The following C9orf85 variants were observed in gnomAD, a reference collection of about 807,000 sequenced individuals.
The protein encoded by C9orf85 is uncharacterized protein C9orf85.
C9orf85 carries 16 observed loss-of-function variants against 14.9 expected under a neutral mutation model. That is an observed-to-expected ratio of 1.08 (90% CI 0.73 to 1.63). The LOEUF (loss-of-function observed/expected upper bound fraction) is 1.63. Ranked by LOEUF, C9orf85 falls within the 40% of genes most tolerant of loss-of-function variation. The pLI is 0.00. For missense variants in C9orf85, 172 were observed against 186.1 expected (o/e 0.92, Z 0.44); for synonymous variants, 45 against 56.8 (o/e 0.79, Z 0.93).
In C9orf85 at chr9:71,921,928, T is replaced by TTATTATTATTA. The variant is rs1554705990; in HGVS notation, c.102+10093_102+10094insATTATTATTAT. Among the ~76,000 whole-genome samples the TTATTATTATTA allele has an allele frequency of 4.4e-3, 501 of 113,850 alleles. 7 individuals carry two copies. Among genetic ancestry groups the TTATTATTATTA allele is most frequent in the African/African-American group, 0.014 (478 of 33,556 alleles). 74.7% of individuals were successfully genotyped at this position (113,850 alleles called of 152,430 possible). ...GTTTTGGTTGGCTTTTTATTTTTTT[T>TTATTATTATTA]TTATTATTATTATTATTATTATTAT... is the stretch of plus-strand genomic sequence containing the variant. On this transcript the variant is annotated intron_variant, in intron 1 of 3. Coordinates refer to ENST00000334731, the MANE Select transcript of C9orf85 (RefSeq NM_182505.5).
chr9:71,935,464 A>G (rs897783085), intron 1 of C9orf85, among the ~76,000 whole-genome samples: 1 of 152,114 alleles, frequency 6.6e-6, no homozygotes, highest in Non-Finnish European at 1.5e-5. Context: ...TACAGCATCA[A>G]TGAACCTTAA....
At chr9:71,941,766 A>G (rs1821935395) in intron 1 of C9orf85, 1 of 152,206 alleles carries the variant, frequency 6.6e-6, no homozygotes. Flanking sequence ...AACTGACTAC[A>G]TTCAGTGACA....
intron 2 of C9orf85, among the ~76,000 whole-genome samples, chr9:71,968,576 T>C (rs1390827513): frequency 6.6e-6 from 1 of 152,216 alleles, no homozygotes; most frequent in East Asian, 1.9e-4. Context: ...CTTATATGCA[T>C]AGAGTTAAAT....
chr9:71,966,618 TG>T (rs1822699258), intron 2 of C9orf85, among the ~76,000 whole-genome samples: 1 of 152,064 alleles, frequency 6.6e-6, no homozygotes, highest in Non-Finnish European at 1.5e-5. Context: ...ACAGGAGTCA[TG>T]ACTATAAAAA....
At chr9:71,976,494 C>T (rs563465225), downstream of C9orf85, among the ~76,000 whole-genome samples, 56 of 152,118 alleles carry the variant, frequency 3.7e-4, no homozygotes, top group African/African-American at 1.3e-3. Flanking sequence ...AACCCCGTCT[C>T]TACTAAAAAT....
At chr9:71,982,548 C>T in intron 3 of C9orf85, 1 of 354,944 alleles carries the variant, frequency 2.8e-6, no homozygotes, top group Non-Finnish European at 5.3e-6. Context: ...AGATCCTCGC[C>T]AACACTTGTA....
intron 1 of C9orf85, among the ~76,000 whole-genome samples, chr9:71,934,861 C>A (rs1241122155): frequency 6.6e-6 from 1 of 152,022 alleles, no homozygotes; most frequent in Middle Eastern, 3.2e-3. Context: ...CAGAGCAAGA[C>A]CCTGTCTCAG....
intron 1 of C9orf85, among the ~76,000 whole-genome samples, chr9:71,920,159 T>G (rs953076920): frequency 6.6e-6 from 1 of 152,198 alleles, no homozygotes; most frequent in Non-Finnish European, 1.5e-5. Flanking sequence ...TAAAGCATGT[T>G]TCTTAATGTT....
chr9:71,926,506 C>G (rs1253145449), intron 1 of C9orf85, among the ~76,000 whole-genome samples: 1 of 151,520 alleles, frequency 6.6e-6, no homozygotes, highest in Non-Finnish European at 1.5e-5. Context: ...CCTCCCATGC[C>G]CAGTTAAGAG....
intron 1 of C9orf85, among the ~76,000 whole-genome samples, chr9:71,931,899 C>G (rs996544379): frequency 2.0e-5 from 3 of 152,150 alleles, no homozygotes; most frequent in Non-Finnish European, 4.4e-5. Context: ...ACACATTTCT[C>G]TAGAAATGTC....
Position 71,948,825 on chromosome 9 carries a change from C to G in C9orf85, c.209+1713C>G, listed in dbSNP as rs752623954. Among the ~76,000 whole-genome samples, 26 of 149,382 alleles carry G rather than the reference C, an allele frequency of 1.7e-4. 1 individual carries two copies. Among genetic ancestry groups the G allele is most frequent in the Middle Eastern group, 3.5e-3 (1 of 284 alleles). ...AGGCGTGAGCCACGCCCCCCCCCCC[C>G]CCTTTAAATAGTTTTACCAGCTTCT... On this transcript the variant is annotated intron_variant, in intron 2 of 3. Coordinates refer to ENST00000334731, the MANE Select transcript of C9orf85 (RefSeq NM_182505.5).
At chr9:71,912,375 TTAG>T (rs1827527878) in intron 1 of C9orf85, among the ~76,000 whole-genome samples, 1 of 152,232 alleles carries the variant, frequency 6.6e-6, no homozygotes, top group African/African-American at 2.4e-5. Flanking sequence ...CTGTTTATCT[TTAG>T]CAGGACTTCT....
At chr9:71,922,243 G>A (rs1339262571) in intron 1 of C9orf85, among the ~76,000 whole-genome samples, 1 of 151,846 alleles carries the variant, frequency 6.6e-6, no homozygotes, top group Non-Finnish European at 1.5e-5. Context: ...CTGGCTGGTT[G>A]GTGTTTTAAT....
chr9:71,949,727 A>C (rs1287362087), intron 2 of C9orf85, among the ~76,000 whole-genome samples: 1 of 152,158 alleles, frequency 6.6e-6, no homozygotes, highest in Non-Finnish European at 1.5e-5. Flanking sequence ...AATCATGGGG[A>C]AAATGTGATA....
chr9:71,943,703 G>A (rs1436809157), intron 1 of C9orf85, among the ~76,000 whole-genome samples: 1 of 151,376 alleles, frequency 6.6e-6, no homozygotes, highest in East Asian at 2.0e-4. Flanking sequence ...CCAGCACCCC[G>A]GCTAATTTTG....
chr9:71,966,099 T>G (rs1399781062), intron 2 of C9orf85, among the ~76,000 whole-genome samples: 1 of 152,346 alleles, frequency 6.6e-6, no homozygotes. Flanking sequence ...GTGTTCAAAC[T>G]GTTCAAATAA....
intron 1 of C9orf85, among the ~76,000 whole-genome samples, chr9:71,918,219 G>A (rs950326697): frequency 1.3e-5 from 2 of 152,092 alleles, no homozygotes. Context: ...CCACCTAGAT[G>A]TTTTAAAGTT....
chr9:71,972,021 T>C (rs2132363189), intron 3 of C9orf85, among the ~76,000 whole-genome samples: 1 of 151,748 alleles, frequency 6.6e-6, no homozygotes, highest in South Asian at 2.1e-4. Flanking sequence ...CCATAACCCT[T>C]AGACTTAAGT....
intron 1 of C9orf85, among the ~76,000 whole-genome samples, chr9:71,927,269 A>G (rs1380787072): frequency 2.3e-5 from 3 of 127,870 alleles, no homozygotes; most frequent in East Asian, 4.4e-4. Context: ...AGTTTGTCAA[A>G]AAAAAAAAAA....
Sources: allele counts gnomAD v4.1 joint callset (sites outside exome capture counted in the v4.1 genomes callset), GRCh38; gene constraint gnomAD v4.1.1; transcripts MANE v1.5; gene names NCBI Gene and HGNC (gene_info 2026-07-23, HGNC 2026-07-21).